The following RSPH9 variants were observed in gnomAD, a reference collection of about 807,000 sequenced individuals.
RSPH9 encodes radial spoke head component 9.
RSPH9 carries 27 observed loss-of-function variants against 27.0 expected under a neutral mutation model. The observed-to-expected ratio is 1.00, with a 90% CI of 0.74 to 1.38. The LOEUF is 1.38. RSPH9 is among the 40% of genes most tolerant of loss of function. The pLI, the probability that RSPH9 is intolerant of heterozygous loss-of-function variation, is 0.00. For synonymous variants in RSPH9, 145 were observed against 147.7 expected, an observed-to-expected ratio of 0.98 and a Z score of 0.13; for missense variants, 347 against 357.4, an observed-to-expected ratio of 0.97 and a Z score of 0.24.
intron 3 of RSPH9, 76 bp downstream of exon 3, chr6:43,655,767 C>T (rs1771939837): frequency 1.3e-6 from 2 of 1,523,704 alleles, no homozygotes; most frequent in Non-Finnish European, 1.8e-6. Flanking sequence ...TCTGGGAGTC[C>T]AGCAGGGGGG....
chr6:43,665,013 G>GC (rs1773009007), intron 4 of RSPH9, among the ~76,000 whole-genome samples: 1 of 152,242 alleles, frequency 6.6e-6, no homozygotes, highest in African/African-American at 2.4e-5. Flanking sequence ...TGTCTGGCAA[G>GC]CCCTTTGCAG....
intron 1 of RSPH9, among the ~76,000 whole-genome samples, chr6:43,646,367 C>A (rs1469723221): frequency 6.6e-6 from 1 of 151,960 alleles, no homozygotes; most frequent in East Asian, 1.9e-4. Context: ...ATCTCCTGAC[C>A]TCGTGATCCG....
At chr6:43,657,514 C>T (rs568885491) in intron 4 of RSPH9, among the ~76,000 whole-genome samples, 1 of 152,318 alleles carries the variant, frequency 6.6e-6, no homozygotes, top group Admixed American at 6.5e-5. Context: ...AAGTGTTAGA[C>T]TCCACAGTTC....
chr6:43,651,561 T>G (rs1311972762), intron 2 of RSPH9, among the ~76,000 whole-genome samples: 4 of 152,132 alleles, frequency 2.6e-5, no homozygotes, highest in African/African-American at 7.2e-5. Context: ...TCTTTTTCTT[T>G]TTTTTGAGAC....
chr6:43,671,634 T>G lies in RSPH9; in HGVS notation c.*685T>G. On this transcript the variant is annotated 3_prime_UTR_variant, in exon 5 of 5. Coordinates refer to ENST00000372163, the MANE Select transcript of RSPH9 (RefSeq NM_152732.5). Reference sequence around the variant, plus strand: ...AGTTAGTCCCACTGTCCCCTGTCCATGCATGTTGGAGGGACCAGGCCATCG... The same window carrying G: ...AGTTAGTCCCACTGTCCCCTGTCCAGGCATGTTGGAGGGACCAGGCCATCG... The G allele has an allele frequency of 9.2e-7, 1 of 1,083,186 alleles. No homozygotes were observed. The highest frequency in any genetic ancestry group is 1.4e-6 in the Non-Finnish European group (1 of 730,004). The allele number at this position is 1,083,186 out of a possible 1,614,324, so 67.1% of individuals were successfully genotyped here.
chr6:43,645,212 C>T lies in RSPH9; in HGVS notation c.114C>T (p.Asp38=). The T allele has an allele frequency of 6.2e-7, 1 of 1,614,056 alleles. No individual in the cohort carries two copies. The highest frequency in any genetic ancestry group is 8.5e-7 in the Non-Finnish European group (1 of 1,180,016). Reference sequence around the variant, plus strand: ...CGTCTCTTATGCTGGTTAAGCGCGACTACCGCTATGATCGGGTTCTCTTCT... The same window carrying T: ...CGTCTCTTATGCTGGTTAAGCGCGATTACCGCTATGATCGGGTTCTCTTCT... ...LLTSLMLVKR[D]YRYDRVLFWG... Residue 38 remains aspartate, a synonymous_variant, in exon 1 of 5, where the codon GAC becomes GAT. Coordinates refer to ENST00000372163, the MANE Select transcript of RSPH9 (RefSeq NM_152732.5).
At chr6:43,649,871 G>T (rs917232853) in intron 1 of RSPH9, among the ~76,000 whole-genome samples, 7 of 152,164 alleles carry the variant, frequency 4.6e-5, no homozygotes, top group African/African-American at 1.7e-4. Context: ...CAGCATACAT[G>T]GAATGAATGA....
intron 4 of RSPH9, among the ~76,000 whole-genome samples, chr6:43,661,660 C>CA (rs758308013): frequency 0.66 from 60,335 of 90,784 alleles, 21,740 homozygotes; most frequent in Non-Finnish European, 0.78. Flanking sequence ...GACTCTGTCT[C>CA]AAAAAAAAAA....
At position 43,656,606 on chromosome 6, in the gene RSPH9, A is replaced by G; in HGVS notation, c.553A>G (p.Ser185Gly). Residue 185 changes from serine (S) to glycine (G), a missense_variant, in exon 4 of 5, where the codon AGC (serine) becomes GGC (glycine). Physicochemically the swap from Ser to Gly is moderately conservative, Grantham distance 56. Transcript: ENST00000372163. ...GTCCTTGTCTGAGGCCAAGAAGCTC[A>G]GCTCCTACTTCCATTTCAGGGAGCC... ...GLSLSEAKKL[S>G]SYFHFREPVE... is the part of the protein sequence containing the mutation. The G allele has an allele frequency of 1.2e-6, 2 of 1,614,224 alleles. No homozygotes were observed. Among genetic ancestry groups the G allele is most frequent in the Non-Finnish European group, 1.7e-6 (2 of 1,180,040 alleles).
chr6:43,665,311 G>A (rs941296278), intron 4 of RSPH9, among the ~76,000 whole-genome samples: 11 of 152,260 alleles, frequency 7.2e-5, no homozygotes, highest in Non-Finnish European at 1.5e-4. Context: ...AACAGGAGAA[G>A]TAAAATGTGG....
intron 2 of RSPH9, among the ~76,000 whole-genome samples, chr6:43,652,448 T>C (rs1432162673): frequency 2.0e-5 from 3 of 150,870 alleles, no homozygotes; most frequent in African/African-American, 7.3e-5. Flanking sequence ...TTTTTTGAGA[T>C]GGAGTCTCGC....
chr6:43,667,648 G>A (rs1773282978), intron 4 of RSPH9, among the ~76,000 whole-genome samples: 1 of 152,176 alleles, frequency 6.6e-6, no homozygotes, highest in African/African-American at 2.4e-5. Flanking sequence ...TTTGCTACTC[G>A]ATTTGATACG....
Position 43,656,769 on chromosome 6 carries a change from T to A in RSPH9, c.670+46T>A, listed in dbSNP as rs889474541. 3.7e-6 allele frequency: 6 copies of A among 1,603,368 alleles called. No homozygotes were observed. In the African/African-American group the frequency reaches 8.0e-5, roughly 21 times the overall value. On this transcript the variant is annotated intron_variant, in intron 4 of 4. Coordinates refer to ENST00000372163, the MANE Select transcript of RSPH9 (RefSeq NM_152732.5). ...GGCCATGGGATCTGTCCTCAGGCCATAGCAGTGGGCCATGCCACCTGCCAT... is the reference window on the plus strand; with the variant it reads ...GGCCATGGGATCTGTCCTCAGGCCAAAGCAGTGGGCCATGCCACCTGCCAT...
In RSPH9 at chr6:43,671,781, G is replaced by A. The variant is rs145782628; in HGVS notation, c.*832G>A. On this transcript the variant is annotated 3_prime_UTR_variant, in exon 5 of 5. Transcript: ENST00000372163. Reference sequence around the variant, plus strand: ...TCTCTGTCAGTGATACAGCTTCCAAGGTGTTCTTGAGTAGCAGACATTGTC... The same window carrying A: ...TCTCTGTCAGTGATACAGCTTCCAAAGTGTTCTTGAGTAGCAGACATTGTC... 3 of 1,614,240 alleles carry A rather than the reference G, an allele frequency of 1.9e-6. No homozygotes were observed. In the South Asian group the frequency reaches 3.3e-5, roughly 18 times the overall value.
chr6:43,645,739 G>C (rs1770788571), intron 1 of RSPH9, among the ~76,000 whole-genome samples: 1 of 152,250 alleles, frequency 6.6e-6, no homozygotes, highest in Non-Finnish European at 1.5e-5. Flanking sequence ...ACCTGGAGAA[G>C]AAGCCAGGTT....
intron 2 of RSPH9, among the ~76,000 whole-genome samples, chr6:43,652,049 G>A (rs1771527232): frequency 6.6e-6 from 1 of 151,146 alleles, no homozygotes; most frequent in Non-Finnish European, 1.5e-5. Context: ...GCTCATGCCT[G>A]TAATCCCAGC....
intron 4 of RSPH9, among the ~76,000 whole-genome samples, chr6:43,669,488 T>C (rs1356320221): frequency 1.3e-5 from 2 of 151,572 alleles, no homozygotes; most frequent in East Asian, 1.9e-4. Flanking sequence ...GGGTGTGGAG[T>C]GACTAGGGTG....
intron 3 of RSPH9, 80 bp from the exon 4 acceptor site, chr6:43,656,497 A>T: frequency 2.7e-6 from 4 of 1,507,872 alleles, no homozygotes; most frequent in Non-Finnish European, 3.7e-6. Flanking sequence ...AAGCCCTACC[A>T]TGTGGTCCCA....
rs1380215924 is a variant in RSPH9, at chr6:43,671,114, G to A, written c.*165G>A. 2.5e-6 allele frequency: 2 copies of A among 791,142 alleles called. No homozygotes were observed. The highest frequency in any genetic ancestry group is 4.1e-6 in the Non-Finnish European group (2 of 484,088). The allele number at this position is 791,142 out of a possible 1,614,324, so 49.0% of individuals were successfully genotyped here. A position where few individuals can be genotyped will look rare whatever the true frequency, so the allele number is the denominator to read the frequency against. ...CAGGGAGCTCATTTCTAAACCAAGTGGCAGAGGGGTTGGAATGTGCTAATG... is the reference window on the plus strand; with the variant it reads ...CAGGGAGCTCATTTCTAAACCAAGTAGCAGAGGGGTTGGAATGTGCTAATG... On this transcript the variant is annotated 3_prime_UTR_variant, in exon 5 of 5. Coordinates refer to ENST00000372163, the MANE Select transcript of RSPH9 (RefSeq NM_152732.5).
Sources: gnomAD v4.1 joint callset for allele counts (sites outside exome capture counted in the v4.1 genomes callset) on GRCh38, gnomAD v4.1.1 for gene constraint, MANE v1.5 for transcripts, NCBI Gene and HGNC (gene_info 2026-07-23, HGNC 2026-07-21) for gene names.